EIF2AK4: variants seen among roughly 807,000 people sequenced by gnomAD.
EIF2AK4 encodes the protein eukaryotic translation initiation factor 2 alpha kinase 4.
In EIF2AK4, 139 loss-of-function variants were observed where a neutral mutation model predicts 211.1. The ratio of observed to expected loss-of-function variants is 0.66; its 90% CI spans 0.57 to 0.76. The LOEUF (loss-of-function observed/expected upper bound fraction) is 0.76. EIF2AK4 is among the 30% of genes least tolerant of loss of function. EIF2AK4 has a pLI of 0.00. For missense variants in EIF2AK4, 1,664 were observed against 2,043.8 expected, an observed-to-expected ratio of 0.81 and a Z score of 3.58; for synonymous variants, 710 against 751.3, an observed-to-expected ratio of 0.94 and a Z score of 0.90.
At chr15:40,019,348 A>G (rs527707156) in intron 30 of EIF2AK4, 148 bp downstream of exon 30, 1 of 591,812 alleles carries the variant, frequency 1.7e-6, no homozygotes, top group East Asian at 3.1e-5. Flanking sequence ...ATGATAGACA[A>G]GCCTAAGACT....
At chr15:39,968,781 C>T (rs1248781839) in intron 9 of EIF2AK4, among the ~76,000 whole-genome samples, 1 of 151,922 alleles carries the variant, frequency 6.6e-6, no homozygotes, top group Non-Finnish European at 1.5e-5. Flanking sequence ...GCCTGGTTTA[C>T]ATTGTTATGC....
At position 40,019,162 on chromosome 15, in the gene EIF2AK4, G is replaced by C; in HGVS notation, c.4135G>C (p.Asp1379His). The C allele has an allele frequency of 6.2e-7, 1 of 1,604,190 alleles. No homozygotes were observed. The highest frequency in any genetic ancestry group is 8.5e-7 in the Non-Finnish European group (1 of 1,175,318). ...TGCCATTGGGGTCAGCATAGCTATA[G>C]ACAAGATATCTGCTGCTGTCCTCAA... ...PTAIGVSIAIDKISAAVLNME... is the reference protein window; with the variant it reads ...PTAIGVSIAIHKISAAVLNME... The change falls in exon 30 of 39, where the codon GAC becomes CAC. Residue 1379 changes from aspartate (D) to histidine (H), a missense_variant. Asp to His is a moderately conservative substitution (Grantham distance 81). Transcript: ENST00000263791.
At chr15:40,015,364 A>T (rs1217736601) in intron 27 of EIF2AK4, among the ~76,000 whole-genome samples, 1 of 152,260 alleles carries the variant, frequency 6.6e-6, no homozygotes, top group East Asian at 1.9e-4. Context: ...AGGAGGCCTC[A>T]CAATCATGGT....
chr15:40,004,107 A>C (rs1331208508), intron 23 of EIF2AK4, among the ~76,000 whole-genome samples: 1 of 152,242 alleles, frequency 6.6e-6, no homozygotes, highest in African/African-American at 2.4e-5. Context: ...TGTTATCCAG[A>C]GATGACAGGA....
At chr15:39,949,444 T>C (rs1402625092) in intron 4 of EIF2AK4, among the ~76,000 whole-genome samples, 176 bp downstream of exon 4, 2 of 152,126 alleles carry the variant, frequency 1.3e-5, no homozygotes, top group Admixed American at 6.5e-5. Flanking sequence ...TCCTGACACA[T>C]ATCAGTACTG....
intron 18 of EIF2AK4, among the ~76,000 whole-genome samples, chr15:39,996,251 G>T (rs2035017077): frequency 6.6e-6 from 1 of 152,236 alleles, no homozygotes; most frequent in African/African-American, 2.4e-5. Context: ...ATCAGCCGCA[G>T]ATTTTGGTCT....
chr15:40,002,842 A>G, intron 22 of EIF2AK4, 54 bp downstream of exon 22: 1 of 1,578,926 alleles, frequency 6.3e-7, no homozygotes, highest in Non-Finnish European at 8.7e-7. Flanking sequence ...TTTTTTCATC[A>G]TTAGAAAGTA....
At chr15:39,984,358 A>G (rs1408118798) in intron 13 of EIF2AK4, among the ~76,000 whole-genome samples, 1 of 152,168 alleles carries the variant, frequency 6.6e-6, no homozygotes, top group Non-Finnish European at 1.5e-5. Flanking sequence ...CCCATATAAA[A>G]TTTAAAGTAG....
chr15:39,990,298 C>G lies in EIF2AK4; in HGVS notation c.2552C>G (p.Pro851Arg), dbSNP rs1432363256. ...EKGMIHRDLK[P>R]VNIFLDSDDH... ...GGAATGATTCACCGGGATTTGAAGC[C>G]TGTCAACATTTTTTTGGATTCTGAT... Residue 851 changes from proline to arginine, a missense_variant, in exon 16 of 39, where the codon CCT becomes CGT. Coordinates refer to ENST00000263791, the MANE Select transcript of EIF2AK4 (RefSeq NM_001013703.4). 6.2e-7 allele frequency: 1 copy of G among 1,614,196 alleles called. No individual in the cohort carries two copies. Among genetic ancestry groups the G allele is most frequent in the African/African-American group, 1.3e-5 (1 of 75,056 alleles).
intron 16 of EIF2AK4, chr15:39,991,138 G>A (rs1271159936): frequency 1.3e-5 from 2 of 152,236 alleles, no homozygotes; most frequent in African/African-American, 4.8e-5. Context: ...AATTCCAAGG[G>A]TGATCAGGAA....
chr15:40,017,216 G>A lies in EIF2AK4; in HGVS notation c.4039G>A (p.Ala1347Thr), dbSNP rs774609730. 1.2e-4 allele frequency: 186 copies of A among 1,613,492 alleles called. 1 individual carries two copies. The highest frequency in any genetic ancestry group is 1.4e-4 in the South Asian group (13 of 91,040). ...RRQRAVPEIL[A>T]AGGRYDLLIP... ...GCAAAGGGCTGTACCTGAAATCCTC[G>A]CAGCTGGAGGCAGATATGACCTGCT... The change falls in exon 29 of 39, where the codon GCA (alanine) becomes ACA (threonine). Residue 1347 changes from alanine (A) to threonine (T), a missense_variant. Ala to Thr is a moderately conservative substitution (Grantham distance 58, BLOSUM62 0). Transcript: ENST00000263791.
rs5812147 is a variant in EIF2AK4 at position 39,943,351 on chromosome 15, CTTT to C, written c.258-14_258-12del. 29,642 of 841,384 alleles carry C rather than the reference CTTT, an allele frequency of 0.035. No individual in the cohort carries two copies. The highest frequency in any genetic ancestry group is 0.057 in the East Asian group (1,524 of 26,722). 52.1% of individuals were successfully genotyped at this position (841,384 alleles called of 1,614,324 possible). ...ACAGGCTATACTTTCTGGAGTAACTCTTTTTTTTTTTTTTTTTTTTGCCTTTTC... is the reference window on the plus strand; with the variant it reads ...ACAGGCTATACTTTCTGGAGTAACTCTTTTTTTTTTTTTTTTTGCCTTTTC... On this transcript the variant is annotated intron_variant, in intron 2 of 38. Transcript: ENST00000263791.
chr15:39,993,122 A>C, intron 18 of EIF2AK4, among the ~76,000 whole-genome samples: 1 of 143,682 alleles, frequency 7.0e-6, no homozygotes, highest in African/African-American at 2.6e-5. Context: ...CCATCCACCC[A>C]TCCATCCACC....
At chr15:39,993,028 C>G (rs561353208) in intron 18 of EIF2AK4, among the ~76,000 whole-genome samples, 180 bp downstream of exon 18, 12 of 151,564 alleles carry the variant, frequency 7.9e-5, no homozygotes, top group African/African-American at 2.9e-4. Flanking sequence ...CAGGAGCTTA[C>G]AGTCCATCCA....
At chr15:40,007,175 C>T in intron 24 of EIF2AK4, 110 bp downstream of exon 24, 1 of 1,021,060 alleles carries the variant, frequency 9.8e-7, no homozygotes, top group Non-Finnish European at 1.4e-6. Context: ...GTTAAGAATT[C>T]TGGGTTCAGA....
At chr15:39,941,439 A>G (rs2034143109) in intron 2 of EIF2AK4, among the ~76,000 whole-genome samples, 1 of 152,196 alleles carries the variant, frequency 6.6e-6, no homozygotes, top group African/African-American at 2.4e-5. Context: ...GGAAATTCCA[A>G]GGGTGATAGG....
chr15:40,028,699 G>T (rs1397953334), intron 33 of EIF2AK4, among the ~76,000 whole-genome samples: 8 of 152,226 alleles, frequency 5.3e-5, no homozygotes, highest in Admixed American at 3.9e-4. Flanking sequence ...GTTTCTGAGG[G>T]AACATAATGT....
At chr15:40,020,711 TTGAG>T (rs1027174623) in intron 30 of EIF2AK4, 184 bp from the exon 31 acceptor site, 5 of 380,942 alleles carry the variant, frequency 1.3e-5, no homozygotes, top group Middle Eastern at 7.4e-4. Context: ...AAAAAGTTGT[TTGAG>T]TGTGTCTTTT....
At chr15:39,952,368 G>A (rs769856879) in intron 4 of EIF2AK4, among the ~76,000 whole-genome samples, 8 of 149,754 alleles carry the variant, frequency 5.3e-5, no homozygotes, top group African/African-American at 7.4e-5. Flanking sequence ...TTAGCTCACC[G>A]CAGCTCAAGG....
Sources: gnomAD v4.1 joint callset for allele counts (sites outside exome capture counted in the v4.1 genomes callset) on GRCh38, gnomAD v4.1.1 for gene constraint, MANE v1.5 for transcripts, NCBI Gene and HGNC (gene_info 2026-07-23, HGNC 2026-07-21) for gene names.